The following PIWIL3 variants were observed in gnomAD, a reference collection of about 807,000 sequenced individuals.
PIWIL3 encodes the protein piwi-like protein 3.
In PIWIL3, 101 loss-of-function variants were observed where a neutral mutation model predicts 109.7. That is an observed-to-expected ratio of 0.92 (90% CI 0.78 to 1.09). PIWIL3 has a LOEUF of 1.09. Ranked by LOEUF, PIWIL3 falls within the 50% of genes least tolerant of loss-of-function variation. PIWIL3 has a pLI of 0.00. For synonymous variants in PIWIL3, 373 were observed against 376.4 expected (o/e 0.99, Z 0.10); for missense variants, 1,031 against 1,072.6 (o/e 0.96, Z 0.54).
chr22:24,773,703 ATTTTTT>A (rs61034646), intron 1 of PIWIL3, among the ~76,000 whole-genome samples: 5,826 of 110,110 alleles, frequency 0.053, 153 homozygotes, highest in African/African-American at 0.1. Flanking sequence ...GACACTCTAG[ATTTTTT>A]TTTTTTTTTT....
chr22:24,736,271 A>G (rs1230538325), intron 12 of PIWIL3, among the ~76,000 whole-genome samples: 4 of 152,246 alleles, frequency 2.6e-5, no homozygotes, highest in African/African-American at 7.2e-5. Flanking sequence ...GCATCGGCCT[A>G]TAATAGCTCA....
chr22:24,735,987 GA>G, intron 12 of PIWIL3, 95 bp from the exon 13 acceptor site: 1 of 1,016,196 alleles, frequency 9.8e-7, no homozygotes. Flanking sequence ...ATCTCCTATA[GA>G]AATGTTACAA....
At chr22:24,763,726 C>T (rs1053624000) in intron 1 of PIWIL3, among the ~76,000 whole-genome samples, 10 of 152,154 alleles carry the variant, frequency 6.6e-5, no homozygotes, top group African/African-American at 2.4e-4. Context: ...TCCCAGGCAT[C>T]CCCACAAGCA....
At chr22:24,739,836 G>A (rs1483400199) in intron 12 of PIWIL3, among the ~76,000 whole-genome samples, 1 of 152,092 alleles carries the variant, frequency 6.6e-6, no homozygotes, top group Non-Finnish European at 1.5e-5. Flanking sequence ...GGATCATGAG[G>A]TCAGGAGATC....
intron 1 of PIWIL3, among the ~76,000 whole-genome samples, chr22:24,763,894 C>CCA (rs1925613082): frequency 6.6e-6 from 1 of 152,188 alleles, no homozygotes; most frequent in Admixed American, 6.5e-5. Context: ...TTAGGCTGAT[C>CCA]TGTGCGCTAT....
In PIWIL3 at chr22:24,757,936, A is replaced by G. The variant is rs1288108091; in HGVS notation, c.327T>C (p.Asp109=). The change falls in exon 4 of 21, where the codon GAT becomes GAC. Residue 109 remains aspartate (D), a synonymous_variant. Coordinates refer to ENST00000616349, the MANE Select transcript of PIWIL3 (RefSeq NM_001255975.1). The part of the protein sequence containing the change: ...FQDLVVNTRQ[D]MKHVKDSKTG... ...TTTTTGAGTCTTTAACATGCTTCAT[A>G]TCTTGCCTGGTGTTCACCACCAGGT... 5 of 1,613,382 alleles carry G rather than the reference A, an allele frequency of 3.1e-6. No individual in the cohort carries two copies. Among genetic ancestry groups the G allele is most frequent in the Non-Finnish European group, 4.2e-6 (5 of 1,179,808 alleles).
chr22:24,749,107 A>T (rs1422818460), intron 11 of PIWIL3, 86 bp from the exon 12 acceptor site: 1 of 1,064,868 alleles, frequency 9.4e-7, no homozygotes, highest in African/African-American at 1.6e-5. Flanking sequence ...CTTCTATTCC[A>T]AGGTTCACCA....
chr22:24,755,085 A>G (rs1924945215), intron 6 of PIWIL3, among the ~76,000 whole-genome samples: 2 of 152,206 alleles, frequency 1.3e-5, no homozygotes, highest in South Asian at 2.1e-4. Flanking sequence ...GGTTACCAAA[A>G]TGTTCTTCAT....
intron 12 of PIWIL3, among the ~76,000 whole-genome samples, chr22:24,748,696 A>G (rs1924516706): frequency 6.6e-6 from 1 of 152,240 alleles, no homozygotes; most frequent in Non-Finnish European, 1.5e-5. Flanking sequence ...AATTGTCCAG[A>G]ATATTAATTA....
intron 2 of PIWIL3, chr22:24,761,938 G>T (rs1252738023): frequency 1.0e-6 from 1 of 985,986 alleles, no homozygotes; most frequent in African/African-American, 1.7e-5. Context: ...TGTCAGATGG[G>T]GCCCCGCAGC....
rs778583073 is a variant in PIWIL3 at position 24,719,882 on chromosome 22, TAAA to T, written c.2368_2370del (p.Phe790del). 3 of 1,609,792 alleles carry T rather than the reference TAAA, an allele frequency of 1.9e-6. No homozygotes were observed. Among genetic ancestry groups the T allele is most frequent in the African/African-American group, 2.7e-5 (2 of 74,748 alleles). On this transcript the variant is annotated inframe_deletion, in exon 20 of 21. Coordinates refer to ENST00000616349, the MANE Select transcript of PIWIL3 (RefSeq NM_001255975.1). ...CCATCTTGCACAGACTGACTCACAA[TAAA>T]AAAGTCATACCTGGAAATATAGGAC...
intron 14 of PIWIL3, among the ~76,000 whole-genome samples, chr22:24,733,670 A>G (rs1923482573): frequency 6.6e-6 from 1 of 151,092 alleles, no homozygotes; most frequent in South Asian, 2.1e-4. Flanking sequence ...ATGGAGCAAG[A>G]CTCCATCTCA....
intron 2 of PIWIL3, among the ~76,000 whole-genome samples, chr22:24,761,586 G>A (rs1376355633): frequency 3.9e-5 from 6 of 152,206 alleles, no homozygotes; most frequent in Non-Finnish European, 5.9e-5. Context: ...CAAGCTGCAG[G>A]AGACATGCCC....
intron 14 of PIWIL3, 125 bp downstream of exon 14, chr22:24,733,956 TAGC>T: frequency 1.1e-6 from 1 of 912,246 alleles, no homozygotes; most frequent in South Asian, 2.5e-5. Flanking sequence ...ATTCAGCTAA[TAGC>T]AGGTTAATCT....
rs182056225 is a variant in PIWIL3, at chr22:24,721,963, T to C, written c.2357+1167A>G. On this transcript the variant is annotated intron_variant, in intron 19 of 20. Coordinates refer to ENST00000616349, the MANE Select transcript of PIWIL3 (RefSeq NM_001255975.1). ...ACAGAGCTGACTATACGAAACTATTTTGTAGCATATTCAGTATTACTTTCT... is the reference window on the plus strand; with the variant it reads ...ACAGAGCTGACTATACGAAACTATTCTGTAGCATATTCAGTATTACTTTCT... Among the ~76,000 whole-genome samples the C allele has an allele frequency of 2.0e-5, 3 of 152,360 alleles. No homozygotes were observed. In the East Asian group the frequency reaches 5.8e-4, roughly 29 times the overall value.
rs1397810641 is a variant in PIWIL3 at position 24,762,423 on chromosome 22, C to A, written c.77G>T (p.Gly26Val). Residue 26 changes from glycine to valine, a missense_variant, in exon 2 of 21, where the codon GGA (glycine) becomes GTA (valine). By Grantham distance (109) the Gly-to-Val change is moderately radical. Transcript: ENST00000616349. The part of the protein sequence containing the change: ...RESYQQEAPG[G>V]PRAPGSATTQ... ...TGTAGCTGATCCAGGTGCTCTGGGT[C>A]CCCCAGGTGCCTCTTGTTGGTAGCT... 1 of 1,613,784 alleles carries A rather than the reference C, an allele frequency of 6.2e-7. No homozygotes were observed. Among genetic ancestry groups the A allele is most frequent in the African/African-American group, 1.3e-5 (1 of 75,042 alleles).
At chr22:24,749,840 C>A in intron 9 of PIWIL3, 21 bp from the exon 10 acceptor site, 1 of 1,613,832 alleles carries the variant, frequency 6.2e-7, no homozygotes, top group Non-Finnish European at 8.5e-7. Context: ...AACAAGAGAC[C>A]AGCATGACCA....
Position 24,734,084 on chromosome 22 carries a change from C to G in PIWIL3, c.1707G>C (p.Met569Ile), listed in dbSNP as rs758840844. Reference protein sequence around the residue: ...LRKYTRPTLQMVICILPNDDK... With the variant: ...LRKYTRPTLQIVICILPNDDK... Reference sequence around the variant, plus strand: ...GTACATGTATCAACTAGACACTTACCATCTGCAGTGTTGGTCTAGTATATT... The same window carrying G: ...GTACATGTATCAACTAGACACTTACGATCTGCAGTGTTGGTCTAGTATATT... The change falls in exon 14 of 21, where the codon ATG becomes ATC. Residue 569 changes from methionine (M) to isoleucine (I), a missense_variant and splice_region_variant. Transcript: ENST00000616349. 2 of 1,608,930 alleles carry G rather than the reference C, an allele frequency of 1.2e-6. No homozygotes were observed. The highest frequency in any genetic ancestry group is 1.7e-6 in the Non-Finnish European group (2 of 1,178,354).
intron 13 of PIWIL3, among the ~76,000 whole-genome samples, chr22:24,734,912 C>CAAA (rs2147665965): frequency 6.6e-6 from 1 of 150,584 alleles, no homozygotes; most frequent in East Asian, 1.9e-4. Flanking sequence ...TAAACTTGTG[C>CAAA]CCTGAGGGTT....
Sources: allele counts gnomAD v4.1 joint callset (sites outside exome capture counted in the v4.1 genomes callset), GRCh38; gene constraint gnomAD v4.1.1; transcripts MANE v1.5; gene names NCBI Gene and HGNC (gene_info 2026-07-23, HGNC 2026-07-21).